Variants in ADAMTSL2 observed in about 807,000 individuals in gnomAD.
The protein encoded by ADAMTSL2 is ADAMTS like 2.
ADAMTSL2 carries 55 observed loss-of-function variants against 117.0 expected under a neutral mutation model. That is an observed-to-expected ratio of 0.47 (90% confidence interval 0.38 to 0.59). The LOEUF (loss-of-function observed/expected upper bound fraction) is 0.59. Ranked by LOEUF, ADAMTSL2 falls within the 20% of genes least tolerant of loss-of-function variation. ADAMTSL2 has a pLI of 0.00. For missense variants in ADAMTSL2, 1,182 were observed against 1,354.5 expected (o/e 0.87, Z 2.00); for synonymous variants, 572 against 566.4 (o/e 1.01, Z -0.14).
At chr9:133,548,605 C>A (rs1830409739) in intron 9 of ADAMTSL2, among the ~76,000 whole-genome samples, 1 of 151,922 alleles carries the variant, frequency 6.6e-6, no homozygotes, top group Non-Finnish European at 1.5e-5. Flanking sequence ...AGTTGTGATG[C>A]AGTTTCAACG....
chr9:133,571,629 T>C (rs1036921231), intron 17 of ADAMTSL2, among the ~76,000 whole-genome samples: 2 of 152,112 alleles, frequency 1.3e-5, no homozygotes, highest in Non-Finnish European at 2.9e-5. Flanking sequence ...CTGTCTAGAC[T>C]CCAGCTTGAG....
At chr9:133,552,714 T>G (rs1282123970) in intron 9 of ADAMTSL2, among the ~76,000 whole-genome samples, 1 of 152,056 alleles carries the variant, frequency 6.6e-6, no homozygotes, top group East Asian at 1.9e-4. Context: ...TGGTGGAGGG[T>G]GCAGCACCCA....
intron 15 of ADAMTSL2, among the ~76,000 whole-genome samples, chr9:133,569,119 C>T (rs2131182141): frequency 6.6e-6 from 1 of 152,178 alleles, no homozygotes; most frequent in South Asian, 2.1e-4. Context: ...GTCTCTTTCC[C>T]TGTCTCTGTC....
intron 12 of ADAMTSL2, 122 bp downstream of exon 12, chr9:133,561,417 C>T (rs1309121440): frequency 6.9e-6 from 6 of 868,850 alleles, no homozygotes; most frequent in Admixed American, 2.0e-5. Context: ...GGTGCTTGTC[C>T]GTGGCCTCCT....
At position 133,555,724 on chromosome 9, in the gene ADAMTSL2, C is replaced by T. The variant is rs1830591002; in HGVS notation, c.1443C>T (p.Ile481=). The T allele has an allele frequency of 1.2e-6, 2 of 1,614,040 alleles. No individual in the cohort carries two copies. Among genetic ancestry groups the T allele is most frequent in the Non-Finnish European group, 8.5e-7 (1 of 1,180,036 alleles). Residue 481 remains isoleucine, a synonymous_variant, in exon 11 of 19, where the codon ATC becomes ATT. Transcript: ENST00000651351. Reference sequence around the variant, plus strand: ...CCCTCAATGAGACTGTGAACAGCATCTTTGCACAGGGCGCCCCAAGGAGCT... The same window carrying T: ...CCCTCAATGAGACTGTGAACAGCATTTTTGCACAGGGCGCCCCAAGGAGCT... ...DFTLNETVNS[I]FAQGAPRSSL... is the part of the protein sequence containing the mutation.
chr9:133,535,295 C>T (rs1830024464), intron 1 of ADAMTSL2, among the ~76,000 whole-genome samples: 1 of 151,592 alleles, frequency 6.6e-6, no homozygotes, highest in East Asian at 2.0e-4. Flanking sequence ...GCTGGGGCAC[C>T]CGTTAGCCAA....
At position 133,555,802 on chromosome 9, in the gene ADAMTSL2, T is replaced by C; in HGVS notation, c.1521T>C (p.Pro507=). The change falls in exon 11 of 19, where the codon CCT becomes CCC. Residue 507 remains proline, a synonymous_variant. Transcript: ENST00000651351. ...VDYEENEGAG[P]YLLNGSYLEL... ...ATGAGGAGAACGAGGGGGCTGGCCC[T>C]TACCTGCTCAACGGGTCCTACCTGG... 26 of 1,613,900 alleles carry C rather than the reference T, an allele frequency of 1.6e-5. No individual in the cohort carries two copies. The highest frequency in any genetic ancestry group is 2.2e-5 in the Non-Finnish European group (26 of 1,180,024).
intron 4 of ADAMTSL2, among the ~76,000 whole-genome samples, chr9:133,539,390 C>T (rs553110631): frequency 6.6e-6 from 1 of 152,338 alleles, no homozygotes; most frequent in African/African-American, 2.4e-5. Context: ...GTGCCAGGCC[C>T]TGTCCCGTCA....
chr9:133,545,038 A>T (rs1249018361), intron 8 of ADAMTSL2, among the ~76,000 whole-genome samples: 1 of 152,070 alleles, frequency 6.6e-6, no homozygotes, highest in African/African-American at 2.4e-5. Context: ...GTAGGAGGGG[A>T]GTCCTCTAAC....
At chr9:133,561,053 G>A in intron 11 of ADAMTSL2, 145 bp from the exon 12 acceptor site, 1 of 734,622 alleles carries the variant, frequency 1.4e-6, no homozygotes, top group Admixed American at 2.0e-5. Flanking sequence ...GACCGTAGCA[G>A]GTGGAGGGTC....
intron 17 of ADAMTSL2, among the ~76,000 whole-genome samples, chr9:133,573,368 G>C (rs1260191887): frequency 1.3e-5 from 2 of 152,182 alleles, no homozygotes; most frequent in Non-Finnish European, 2.9e-5. Context: ...GCATTTGATC[G>C]GCCCACAACA....
At chr9:133,559,884 A>C (rs1830688307) in intron 11 of ADAMTSL2, among the ~76,000 whole-genome samples, 1 of 152,162 alleles carries the variant, frequency 6.6e-6, no homozygotes, top group East Asian at 1.9e-4. Flanking sequence ...AGGGAGCCAC[A>C]CCAGTGAACT....
chr9:133,534,070 T>C (rs1829992600), upstream of ADAMTSL2, among the ~76,000 whole-genome samples: 1 of 152,232 alleles, frequency 6.6e-6, no homozygotes. Context: ...AAGTTGGTGC[T>C]GGACATCTGC....
At chr9:133,553,413 C>T (rs1830532087) in intron 9 of ADAMTSL2, among the ~76,000 whole-genome samples, 2 of 152,174 alleles carry the variant, frequency 1.3e-5, no homozygotes, top group Admixed American at 6.5e-5. Flanking sequence ...AGACCCTCAC[C>T]CTCACCTTTC....
chr9:133,555,759 A>G lies in ADAMTSL2; in HGVS notation c.1478A>G (p.Glu493Gly), dbSNP rs1388751444. The G allele has an allele frequency of 3.1e-6, 5 of 1,613,900 alleles. No individual in the cohort carries two copies. Among genetic ancestry groups the G allele is most frequent in the African/African-American group, 1.3e-5 (1 of 74,940 alleles). ...GGCGCCCCAAGGAGCTCCCTGGCCG[A>G]GAGCTTCTTCGTGGATTATGAGGAG... is the stretch of plus-strand genomic sequence containing the variant. ...AQGAPRSSLAESFFVDYEENE... is the reference protein window; with the variant it reads ...AQGAPRSSLAGSFFVDYEENE... Residue 493 changes from glutamate (E) to glycine (G), a missense_variant, in exon 11 of 19, where the codon GAG (glutamate) becomes GGG (glycine). Coordinates refer to ENST00000651351, the MANE Select transcript of ADAMTSL2 (RefSeq NM_014694.4).
rs1830630813 is a variant in ADAMTSL2, at chr9:133,557,576, C to G, written c.1649+1646C>G. Among the ~76,000 whole-genome samples the G allele has an allele frequency of 6.6e-6, 1 of 152,074 alleles. No homozygotes were observed. Among genetic ancestry groups the G allele is most frequent in the Non-Finnish European group, 1.5e-5 (1 of 67,990 alleles). On this transcript the variant is annotated intron_variant, in intron 11 of 18. Transcript: ENST00000651351. The surrounding 1 kb of genome is among the most constrained non-coding windows in gnomAD (Gnocchi z 5.2). Reference sequence around the variant, plus strand: ...TGGGTAAAGGGCAGGAGGGACGGACCCAGACAGTGCCTGCCTGTGGGAACG... The same window carrying G: ...TGGGTAAAGGGCAGGAGGGACGGACGCAGACAGTGCCTGCCTGTGGGAACG...
chr9:133,548,640 C>T (rs9776495), intron 9 of ADAMTSL2, among the ~76,000 whole-genome samples: 127,448 of 151,010 alleles, frequency 0.84, 54,619 homozygotes, highest in Non-Finnish European at 0.92. Flanking sequence ...CCCTGGGGGT[C>T]GCATTATCTC....
chr9:133,542,746 G>A (rs1830255515), intron 7 of ADAMTSL2, among the ~76,000 whole-genome samples: 1 of 151,986 alleles, frequency 6.6e-6, no homozygotes, highest in South Asian at 2.1e-4. Context: ...CTCTTGGCCT[G>A]TGATCCTCCC....
chr9:133,554,551 G>C lies in ADAMTSL2; in HGVS notation c.1134G>C (p.Arg378=). 6.5e-7 allele frequency: 1 copy of C among 1,548,482 alleles called. No homozygotes were observed. The highest frequency in any genetic ancestry group is 8.7e-7 in the Non-Finnish European group (1 of 1,147,122). Residue 378 remains arginine (R), a synonymous_variant, in exon 10 of 19, where the codon CGG becomes CGC. Coordinates refer to ENST00000651351, the MANE Select transcript of ADAMTSL2 (RefSeq NM_014694.4). This position sits in a 1 kb window ranked among gnomAD's most constrained non-coding sequence, Gnocchi z 5.2. ...GSLYGQASSE[R]LGLDNRLFGH... ...TCTACGGCCAGGCCTCCTCAGAGCG[G>C]CTGGGCCTGGACAACCGGCTGTTCG...
Sources: gnomAD v4.1 joint callset for allele counts (sites outside exome capture counted in the v4.1 genomes callset) on GRCh38, gnomAD v4.1.1 for gene constraint, Gnocchi (gnomAD v3.1) non-coding constraint, MANE v1.5 for transcripts, NCBI Gene and HGNC (gene_info 2026-07-23, HGNC 2026-07-21) for gene names.